Variants in TNFRSF10D observed in about 807,000 individuals in gnomAD.
TNFRSF10D encodes the protein TNF receptor superfamily member 10d, also known as tumor necrosis factor receptor superfamily member 10D.
Under a neutral mutation model 42.1 loss-of-function variants are expected in TNFRSF10D, and 28 were observed. That is an observed-to-expected ratio of 0.66 (90% CI 0.49 to 0.91). The LOEUF (loss-of-function observed/expected upper bound fraction) is 0.91. Among genes scored for constraint, TNFRSF10D ranks in the 40% least tolerant of loss-of-function variants. The probability of loss-of-function intolerance (pLI) is 0.00; values close to 1 mark genes in which losing one functional copy is unlikely to be tolerated. For synonymous variants in TNFRSF10D, 186 were observed against 189.4 expected, an observed-to-expected ratio of 0.98 and a Z score of 0.15; for missense variants, 503 against 486.1, an observed-to-expected ratio of 1.03 and a Z score of -0.33.
chr8:23,145,518 G>A lies in TNFRSF10D; in HGVS notation c.736+150C>T, dbSNP rs530093833. 80 of 1,199,646 alleles carry A rather than the reference G, an allele frequency of 6.7e-5. No homozygotes were observed. In the African/African-American group the frequency reaches 7.2e-4, roughly 11 times the overall value. The allele number at this position is 1,199,646 out of a possible 1,614,324, so 74.3% of individuals were successfully genotyped here. ...CAGGGTCCTTGGGGATACACAGGACGTGGGGATGGGGCGATCACAAGAAGG... is the reference window on the plus strand; with the variant it reads ...CAGGGTCCTTGGGGATACACAGGACATGGGGATGGGGCGATCACAAGAAGG... On this transcript the variant is annotated intron_variant, in intron 5 of 8. Coordinates refer to ENST00000312584, the MANE Select transcript of TNFRSF10D (RefSeq NM_003840.5).
At chr8:23,161,455 C>T (rs1240068821) in intron 1 of TNFRSF10D, among the ~76,000 whole-genome samples, 769 of 152,018 alleles carry the variant, frequency 5.1e-3, no homozygotes, top group African/African-American at 0.016. Flanking sequence ...CCAGGCTCAT[C>T]TGATGTCCTC....
intron 7 of TNFRSF10D, among the ~76,000 whole-genome samples, chr8:23,140,819 G>GGCC (rs1412976020): frequency 6.6e-6 from 1 of 152,130 alleles, no homozygotes; most frequent in Non-Finnish European, 1.5e-5. Context: ...ATGATTGTGA[G>GGCC]GCCTCCCCAG....
rs957910824 is a variant in TNFRSF10D at position 23,154,795 on chromosome 8, A to G, written c.256+79T>C. ...TCACAATGCGTGCATATTTCCAAAC[A>G]TCATGGTGTACACCATGAATATATA... On this transcript the variant is annotated intron_variant, in intron 2 of 8. Transcript: ENST00000312584. 6.5e-6 allele frequency: 9 copies of G among 1,389,388 alleles called. No individual in the cohort carries two copies. The African/African-American group carries it at 1.0e-4, about 16-fold the overall frequency. 86.1% of individuals were successfully genotyped at this position (1,389,388 alleles called of 1,614,324 possible).
At chr8:23,149,054 G>T (rs1055879545) in intron 2 of TNFRSF10D, among the ~76,000 whole-genome samples, 2 of 151,034 alleles carry the variant, frequency 1.3e-5, no homozygotes, top group Non-Finnish European at 3.0e-5. Context: ...GCCGGGCGTG[G>T]TGGCAGGCAC....
chr8:23,149,536 G>A (rs1327273172), intron 2 of TNFRSF10D, among the ~76,000 whole-genome samples: 15 of 149,108 alleles, frequency 1.0e-4, no homozygotes, highest in African/African-American at 3.0e-4. Flanking sequence ...ACCATGCCAC[G>A]CCCAGTCTAC....
chr8:23,152,952 G>A (rs1001633498), intron 2 of TNFRSF10D, among the ~76,000 whole-genome samples: 1 of 152,216 alleles, frequency 6.6e-6, no homozygotes, highest in African/African-American at 2.4e-5. Context: ...AATGATGGAG[G>A]CATCATACTA....
rs183124600 is a variant in TNFRSF10D at position 23,148,994 on chromosome 8, T to C, written c.257-443A>G. 3.2e-3 allele frequency among the ~76,000 whole-genome samples: 492 copies of C among 151,482 alleles called. 2 individuals are homozygous for C. Among genetic ancestry groups the C allele is most frequent in the Admixed American group, 6.1e-3 (93 of 15,238 alleles). On this transcript the variant is annotated intron_variant, in intron 2 of 8. Transcript: ENST00000312584. ...TCACGAGGTCAGGAGATCGAGACCA[T>C]CCTGGCTAACACAGTGAAACCCCAT...
At chr8:23,152,427 C>G (rs1800223470) in intron 2 of TNFRSF10D, among the ~76,000 whole-genome samples, 1 of 152,172 alleles carries the variant, frequency 6.6e-6, no homozygotes, top group South Asian at 2.1e-4. Flanking sequence ...ACAACACCTG[C>G]AAAGAAGGTT....
chr8:23,149,209 A>G (rs1306509245), intron 2 of TNFRSF10D, among the ~76,000 whole-genome samples: 1 of 117,546 alleles, frequency 8.5e-6, no homozygotes, highest in Non-Finnish European at 1.9e-5. Flanking sequence ...AAAAAAAAAG[A>G]AAAGAAAAGA....
chr8:23,146,967 C>G lies in TNFRSF10D; in HGVS notation c.476G>C (p.Arg159Thr). The change falls in exon 4 of 9, where the codon AGA (arginine) becomes ACA (threonine). Residue 159 changes from arginine (R) to threonine (T), a missense_variant. Arg to Thr is a moderately conservative substitution (Grantham distance 71). Transcript: ENST00000312584. ...KNSPEMCRTC[R>T]TGCPRGMVKV... ...CCCCTGGCTGCTGTCTTACCCTGTTCTACACGTCCGGCACATCTCAGGGGA... is the reference window on the plus strand; with the variant it reads ...CCCCTGGCTGCTGTCTTACCCTGTTGTACACGTCCGGCACATCTCAGGGGA... 1.9e-6 allele frequency: 3 copies of G among 1,614,048 alleles called. No individual in the cohort carries two copies. The highest frequency in any genetic ancestry group is 2.5e-6 in the Non-Finnish European group (3 of 1,179,884).
At chr8:23,145,129 C>T (rs772019313) in intron 5 of TNFRSF10D, 40 bp from the exon 6 acceptor site, 27 of 1,612,522 alleles carry the variant, frequency 1.7e-5, no homozygotes, top group Admixed American at 1.2e-4. Flanking sequence ...GGGGAGGGGC[C>T]CATGCAGCAC....
At chr8:23,138,737 C>T (rs1022227958) in intron 7 of TNFRSF10D, among the ~76,000 whole-genome samples, 941 of 152,138 alleles carry the variant, frequency 6.2e-3, no homozygotes, top group African/African-American at 0.019. Flanking sequence ...ATATCAATAG[C>T]GTAATTAAAT....
chr8:23,163,503 C>A (rs1563365391), intron 1 of TNFRSF10D, among the ~76,000 whole-genome samples: 1 of 152,222 alleles, frequency 6.6e-6, no homozygotes, highest in Non-Finnish European at 1.5e-5. Context: ...TTGACTCCCT[C>A]CCTCCGCTGA....
Position 23,138,280 on chromosome 8 carries a change from A to G in TNFRSF10D, c.955-20T>C. ...CTGTTCCTGTAACACACAGTGGGGA[A>G]TGCTCTGGTCAGAGTCAGGAGTCCT... On this transcript the variant is annotated intron_variant, in intron 7 of 8. Transcript: ENST00000312584. The G allele has an allele frequency of 6.2e-7, 1 of 1,614,148 alleles. No individual in the cohort carries two copies. Among genetic ancestry groups the G allele is most frequent in the South Asian group, 1.1e-5 (1 of 91,086 alleles).
At chr8:23,153,307 TG>T (rs1800232544) in intron 2 of TNFRSF10D, among the ~76,000 whole-genome samples, 1 of 152,196 alleles carries the variant, frequency 6.6e-6, no homozygotes, top group South Asian at 2.1e-4. Flanking sequence ...GACGTTGGTG[TG>T]GGCATTGATT....
rs757439335 is a variant in TNFRSF10D, at chr8:23,145,901, T to C, written c.503A>G (p.Lys168Arg). 1 of 1,614,146 alleles carries C rather than the reference T, an allele frequency of 6.2e-7. No homozygotes were observed. Among genetic ancestry groups the C allele is most frequent in the Non-Finnish European group, 8.5e-7 (1 of 1,180,020 alleles). The change falls in exon 5 of 9, where the codon AAG becomes AGG. Residue 168 changes from lysine to arginine, a missense_variant. By Grantham distance (26) the Lys-to-Arg change is conservative. Coordinates refer to ENST00000312584, the MANE Select transcript of TNFRSF10D (RefSeq NM_003840.5). ...CRTGCPRGMV[K>R]VSNCTPRSDI... ...ACTCCGGGGCGTACAATTACTGACC[T>C]TGACCATCCCTCTGGGACACCTGGG... is the stretch of plus-strand genomic sequence containing the variant.
chr8:23,163,261 T>C (rs1302358606), intron 1 of TNFRSF10D, among the ~76,000 whole-genome samples: 1 of 151,936 alleles, frequency 6.6e-6, no homozygotes, highest in Non-Finnish European at 1.5e-5. Context: ...CGCCATCACG[T>C]CCGGCTAATT....
rs1800083358 is a variant in TNFRSF10D at position 23,144,548 on chromosome 8, G to C, written c.856C>G (p.Gln286Glu). The change falls in exon 7 of 9, where the codon CAG becomes GAG. Residue 286 changes from glutamine to glutamate, a missense_variant. Coordinates refer to ENST00000312584, the MANE Select transcript of TNFRSF10D (RefSeq NM_003840.5). The part of the protein sequence containing the change: ...RNETLSNRYL[Q>E]PTQVSEQEIQ... ...TCCTGCTCAGAGACCTGGGTGGGCT[G>C]CAAGTATCTGTTACTCAGGGTCTCG... 1.2e-6 allele frequency: 2 copies of C among 1,614,078 alleles called. No individual in the cohort carries two copies. The highest frequency in any genetic ancestry group is 1.7e-6 in the Non-Finnish European group (2 of 1,180,036).
intron 2 of TNFRSF10D, among the ~76,000 whole-genome samples, chr8:23,149,925 G>A (rs1286613275): frequency 1.3e-5 from 2 of 152,086 alleles, no homozygotes; most frequent in South Asian, 2.1e-4. Context: ...AAGGTTCCAC[G>A]AGGGCAGGGC....
Sources: allele counts gnomAD v4.1 joint callset (sites outside exome capture counted in the v4.1 genomes callset), GRCh38; gene constraint gnomAD v4.1.1; transcripts MANE v1.5; gene names NCBI Gene and HGNC (gene_info 2026-07-23, HGNC 2026-07-21).